Variants in AHI1 observed in about 807,000 individuals in gnomAD.
The protein encoded by AHI1 is jouberin.
Under a neutral mutation model 149.3 loss-of-function variants are expected in AHI1, and 123 were observed. The ratio of observed to expected loss-of-function variants is 0.82; its 90% CI spans 0.71 to 0.96. The LOEUF is 0.96. Among genes scored for constraint, AHI1 ranks in the 40% least tolerant of loss-of-function variants. AHI1 has a pLI of 0.00. For synonymous variants in AHI1, 475 were observed against 459.8 expected (o/e 1.03, Z -0.42); for missense variants, 1,439 against 1,422.7 (o/e 1.01, Z -0.18).
Position 135,323,280 on chromosome 6 carries a change from T to C in AHI1, c.3210A>G (p.Leu1070=). ...GGATAATGTCTCCGCGATGGATGGT[T>C]AGTTCATCTGATCGATTCGCTGTGT... ...YDYTANRSDE[L]TIHRGDIIRV... is the part of the protein sequence containing the mutation. The change falls in exon 25 of 29, where the codon CTA becomes CTG. Residue 1070 remains leucine (L), a synonymous_variant. Transcript: ENST00000265602. 6.2e-7 allele frequency: 1 copy of C among 1,613,800 alleles called. No homozygotes were observed. The highest frequency in any genetic ancestry group is 2.2e-5 in the East Asian group (1 of 44,866).
intron 20 of AHI1, among the ~76,000 whole-genome samples, chr6:135,418,542 C>T (rs1266600981): frequency 6.6e-6 from 1 of 152,030 alleles, no homozygotes; most frequent in Non-Finnish European, 1.5e-5. Flanking sequence ...TTTATCTTTA[C>T]AGGAGGAAGG....
At chr6:135,302,103 C>T (rs1057129624) in intron 26 of AHI1, 40 of 976,626 alleles carry the variant, frequency 4.1e-5, no homozygotes, top group Admixed American at 6.2e-5. Context: ...GCAATCCTCC[C>T]GCCTCAGCCT....
intron 24 of AHI1, among the ~76,000 whole-genome samples, chr6:135,339,222 G>C (rs539891321): frequency 3.9e-5 from 6 of 152,178 alleles, no homozygotes; most frequent in African/African-American, 1.4e-4. Flanking sequence ...GTTAGGACTA[G>C]AGAAATTAAT....
chr6:135,333,658 G>C (rs1263442434), intron 24 of AHI1, among the ~76,000 whole-genome samples: 1 of 152,158 alleles, frequency 6.6e-6, no homozygotes, highest in Non-Finnish European at 1.5e-5. Flanking sequence ...ACAAGCATTT[G>C]AAAGCATTTA....
rs186908613 is a variant in AHI1 at position 135,485,005 on chromosome 6, G to A, written c.135+5618C>T. ...CTGAAATGTAATTTTTAGTTTGTGA[G>A]ATAAAATTCCTTCCCTCAAAAGCTA... On this transcript the variant is annotated intron_variant, in intron 5 of 28. Transcript: ENST00000265602. 3.5e-3 allele frequency among the ~76,000 whole-genome samples: 524 copies of A among 151,660 alleles called. 1 individual carries two copies. Among genetic ancestry groups the A allele is most frequent in the Non-Finnish European group, 4.9e-3 (330 of 67,932 alleles).
chr6:135,428,983 G>A (rs1446789098), intron 18 of AHI1, among the ~76,000 whole-genome samples: 3 of 151,590 alleles, frequency 2.0e-5, no homozygotes, highest in Non-Finnish European at 3.0e-5. Flanking sequence ...ACATGTCAAC[G>A]TAAAATAGAA....
intron 23 of AHI1, among the ~76,000 whole-genome samples, chr6:135,373,751 A>G (rs1199682061): frequency 1.3e-5 from 2 of 152,234 alleles, no homozygotes; most frequent in African/African-American, 4.8e-5. Context: ...AGACAGGAAC[A>G]TGTGCCAAGT....
At chr6:135,415,570 G>A (rs139910747) in intron 20 of AHI1, among the ~76,000 whole-genome samples, 10 of 152,226 alleles carry the variant, frequency 6.6e-5, no homozygotes, top group South Asian at 4.1e-4. Flanking sequence ...AATGTTAAAC[G>A]GCACAATCAC....
At chr6:135,487,180 T>G (rs1794597998) in intron 5 of AHI1, among the ~76,000 whole-genome samples, 2 of 152,204 alleles carry the variant, frequency 1.3e-5, no homozygotes, top group African/African-American at 2.4e-5. Context: ...TTTCATTACA[T>G]TCTTTTAAAA....
At chr6:135,480,969 G>A (rs1272514416) in intron 5 of AHI1, among the ~76,000 whole-genome samples, 2 of 152,120 alleles carry the variant, frequency 1.3e-5, no homozygotes, top group African/African-American at 4.8e-5. Context: ...CTTTCATCCT[G>A]AAACCATCCC....
intron 11 of AHI1, among the ~76,000 whole-genome samples, chr6:135,449,302 G>A (rs756698457): frequency 2.8e-4 from 43 of 151,996 alleles, no homozygotes; most frequent in Admixed American, 1.2e-3. Flanking sequence ...TGCCCACCTC[G>A]GCCTCCCAAA....
At chr6:135,388,038 A>G (rs1777867782) in intron 23 of AHI1, 2 of 1,613,652 alleles carry the variant, frequency 1.2e-6, no homozygotes, top group Admixed American at 1.7e-5. Flanking sequence ...GACTGTCTGG[A>G]AAACAAATTC....
At chr6:135,301,398 G>T in intron 26 of AHI1, 1 of 983,572 alleles carries the variant, frequency 1.0e-6, no homozygotes, top group Non-Finnish European at 1.2e-6. Flanking sequence ...TGAAAGAAAA[G>T]GAATACAACC....
At chr6:135,469,888 T>C (rs1463549030) in intron 5 of AHI1, among the ~76,000 whole-genome samples, 2 of 152,086 alleles carry the variant, frequency 1.3e-5, no homozygotes, top group South Asian at 2.1e-4. Flanking sequence ...GGCAATACCA[T>C]TCAGGACACA....
At chr6:135,481,164 C>A (rs1231316255) in intron 5 of AHI1, among the ~76,000 whole-genome samples, 1 of 152,168 alleles carries the variant, frequency 6.6e-6, no homozygotes, top group African/African-American at 2.4e-5. Flanking sequence ...ACTGTAGAGT[C>A]CTCACCAGCA....
chr6:135,374,098 ATATATATATATTTTT>A (rs1301661451), intron 23 of AHI1, among the ~76,000 whole-genome samples: 19 of 23,700 alleles, frequency 8.0e-4, no homozygotes, highest in African/African-American at 3.0e-3. Flanking sequence ...ATATATATAT[ATATATATATATTTTT>A]TTTTTTTTTT....
chr6:135,321,812 C>CT (rs34743137), intron 25 of AHI1, among the ~76,000 whole-genome samples: 5 of 151,416 alleles, frequency 3.3e-5, no homozygotes, highest in East Asian at 1.9e-4. Context: ...ACTTTTTTTT[C>CT]TTTTTTTTGA....
intron 5 of AHI1, chr6:135,489,999 G>A (rs1795028497): frequency 2.1e-6 from 1 of 484,392 alleles, no homozygotes; most frequent in Admixed American, 3.7e-5. Context: ...TGCAACTCAA[G>A]TAGGGAGATA....
At chr6:135,450,453 A>C (rs908150655) in intron 11 of AHI1, among the ~76,000 whole-genome samples, 1 of 152,136 alleles carries the variant, frequency 6.6e-6, no homozygotes, top group Non-Finnish European at 1.5e-5. Flanking sequence ...TTAGGAAAGA[A>C]TGTAAAGACA....
Sources: gnomAD v4.1 joint callset for allele counts (sites outside exome capture counted in the v4.1 genomes callset) on GRCh38, gnomAD v4.1.1 for gene constraint, MANE v1.5 for transcripts, NCBI Gene and HGNC (gene_info 2026-07-23, HGNC 2026-07-21) for gene names.